Variants in ELMOD1 observed in about 807,000 individuals in gnomAD.
ELMOD1 encodes ELMO domain containing 1, also known as ELMO domain-containing protein 1.
Under a neutral mutation model 46.7 loss-of-function variants are expected in ELMOD1, and 21 were observed. That is an observed-to-expected ratio of 0.45 (90% CI 0.32 to 0.65). ELMOD1 has a LOEUF of 0.65. ELMOD1 is among the 30% of genes least tolerant of loss of function. ELMOD1 has a pLI of 0.04. For synonymous variants in ELMOD1, 122 were observed against 138.2 expected, an observed-to-expected ratio of 0.88 and a Z score of 0.82; for missense variants, 348 against 407.8, an observed-to-expected ratio of 0.85 and a Z score of 1.26.
At chr11:107,654,289 T>C (rs1231348856) in intron 10 of ELMOD1, 67 bp downstream of exon 10, 1 of 1,368,220 alleles carries the variant, frequency 7.3e-7, no homozygotes, top group South Asian at 1.3e-5. Flanking sequence ...AACTAGAGTA[T>C]CATGAAAGAC....
At chr11:107,597,494 G>A (rs968910980) in intron 1 of ELMOD1, among the ~76,000 whole-genome samples, 1 of 152,164 alleles carries the variant, frequency 6.6e-6, no homozygotes, top group Non-Finnish European at 1.5e-5. Context: ...TGAAAGTGAT[G>A]CATTTTGGGC....
At chr11:107,621,306 G>A (rs1413412091) in intron 2 of ELMOD1, among the ~76,000 whole-genome samples, 1 of 152,156 alleles carries the variant, frequency 6.6e-6, no homozygotes, top group Non-Finnish European at 1.5e-5. Context: ...TCTGTGGGAG[G>A]AACTGAGCAA....
intron 10 of ELMOD1, among the ~76,000 whole-genome samples, chr11:107,655,573 C>CTTTTTTTTTTTTT (rs746890763): frequency 0.18 from 19,952 of 111,336 alleles, 2,757 homozygotes; most frequent in East Asian, 0.31. Flanking sequence ...ATTGAAATGC[C>CTTTTTTTTTTTTT]TTTTTTTTTT....
intron 5 of ELMOD1, among the ~76,000 whole-genome samples, chr11:107,633,647 G>A (rs1591122593): frequency 6.6e-6 from 1 of 152,082 alleles, no homozygotes; most frequent in Non-Finnish European, 1.5e-5. Context: ...TGGCCAGGCT[G>A]GTCTCAAACC....
intron 7 of ELMOD1, 26 bp from the exon 8 acceptor site, chr11:107,650,309 A>C (rs765001932): frequency 1.3e-6 from 2 of 1,531,134 alleles, no homozygotes; most frequent in East Asian, 4.8e-5. Context: ...GTATAGAGTT[A>C]CGGTTTTCTT....
At chr11:107,599,336 G>C (rs550757352) in intron 1 of ELMOD1, among the ~76,000 whole-genome samples, 105 of 134,780 alleles carry the variant, frequency 7.8e-4, no homozygotes, top group African/African-American at 2.6e-3. Context: ...TGTTTTAATT[G>C]TTACTTTTTT....
At chr11:107,657,220 T>A (rs10890748) in intron 11 of ELMOD1, among the ~76,000 whole-genome samples, 46,215 of 151,984 alleles carry the variant, frequency 0.3, 7,308 homozygotes, top group South Asian at 0.37. Flanking sequence ...ACAGCAACGT[T>A]GTATTCTAAA....
chr11:107,636,512 G>T (rs1866231296), intron 6 of ELMOD1, among the ~76,000 whole-genome samples: 1 of 152,178 alleles, frequency 6.6e-6, no homozygotes, highest in South Asian at 2.1e-4. Flanking sequence ...TAGAATTAGA[G>T]TGCTTTAGGG....
At chr11:107,626,744 A>G (rs1383084384) in intron 2 of ELMOD1, among the ~76,000 whole-genome samples, 1 of 151,586 alleles carries the variant, frequency 6.6e-6, no homozygotes, top group South Asian at 2.1e-4. Flanking sequence ...TTTAAAGGGT[A>G]AACATGTCAA....
At chr11:107,657,875 G>C (rs1335487404) in intron 11 of ELMOD1, among the ~76,000 whole-genome samples, 9 of 152,190 alleles carry the variant, frequency 5.9e-5, no homozygotes, top group African/African-American at 2.2e-4. Flanking sequence ...CCGTGAGAGA[G>C]ACTCTTTGAA....
chr11:107,661,696 T>A (rs1866742576), intron 11 of ELMOD1, among the ~76,000 whole-genome samples: 1 of 152,224 alleles, frequency 6.6e-6, no homozygotes, highest in African/African-American at 2.4e-5. Flanking sequence ...AAGGAAACTT[T>A]CTTTTTAAAA....
chr11:107,625,460 C>G, intron 2 of ELMOD1: 1 of 985,342 alleles, frequency 1.0e-6, no homozygotes, highest in Non-Finnish European at 1.2e-6. Flanking sequence ...AAATAAGCCA[C>G]TTTTCTCTTA....
At position 107,665,113 on chromosome 11, in the gene ELMOD1, C is replaced by T. The variant is rs367620039; in HGVS notation, c.921C>T (p.Arg307=). The change falls in exon 12 of 12, where the codon CGC becomes CGT. Residue 307 remains arginine, a synonymous_variant. Transcript: ENST00000265840. ...TTAATCGTGTGAGGGAGAAATTCCGCAAGAGGATCATCAAACAGCTGCAGA... is the reference window on the plus strand; with the variant it reads ...TTAATCGTGTGAGGGAGAAATTCCGTAAGAGGATCATCAAACAGCTGCAGA... ...MEFNRVREKF[R]KRIIKQLQNP... is the part of the protein sequence containing the mutation. 4.3e-6 allele frequency: 7 copies of T among 1,613,972 alleles called. No individual in the cohort carries two copies. The highest frequency in any genetic ancestry group is 5.9e-6 in the Non-Finnish European group (7 of 1,179,884).
At chr11:107,605,774 T>C (rs1269475033) in intron 1 of ELMOD1, among the ~76,000 whole-genome samples, 2 of 152,208 alleles carry the variant, frequency 1.3e-5, no homozygotes, top group African/African-American at 4.8e-5. Flanking sequence ...TTTTTCAGGC[T>C]AGTCACTGGG....
chr11:107,600,521 T>C (rs1865579110), intron 1 of ELMOD1: 1 of 152,214 alleles, frequency 6.6e-6, no homozygotes, highest in Non-Finnish European at 1.5e-5. Context: ...AGCTGAGGAT[T>C]TGTGTAAAAA....
chr11:107,650,310 C>A, intron 7 of ELMOD1, 25 bp from the exon 8 acceptor site: 1 of 1,535,120 alleles, frequency 6.5e-7, no homozygotes, highest in Non-Finnish European at 8.9e-7. Flanking sequence ...TATAGAGTTA[C>A]GGTTTTCTTT....
chr11:107,628,086 C>CTT (rs200367659), intron 2 of ELMOD1, among the ~76,000 whole-genome samples: 200 of 143,210 alleles, frequency 1.4e-3, no homozygotes, highest in African/African-American at 5.0e-3. Flanking sequence ...ATTGCTCAAT[C>CTT]TTTTTTTTTT....
At chr11:107,652,374 C>G (rs1169582893) in intron 9 of ELMOD1, among the ~76,000 whole-genome samples, 1 of 152,146 alleles carries the variant, frequency 6.6e-6, no homozygotes, top group Admixed American at 6.5e-5. Flanking sequence ...AAAGTGGATT[C>G]AAGTTAAAGA....
chr11:107,610,384 C>G (rs1331737112), intron 1 of ELMOD1, among the ~76,000 whole-genome samples: 1 of 152,034 alleles, frequency 6.6e-6, no homozygotes, highest in Non-Finnish European at 1.5e-5. Flanking sequence ...ACGTCAATAT[C>G]TGGGCCAGGC....
Sources: gnomAD v4.1 joint callset for allele counts (sites outside exome capture counted in the v4.1 genomes callset) on GRCh38, gnomAD v4.1.1 for gene constraint, MANE v1.5 for transcripts, NCBI Gene and HGNC (gene_info 2026-07-23, HGNC 2026-07-21) for gene names.